The following FAM237A variants were observed in gnomAD, a reference collection of about 807,000 sequenced individuals.
FAM237A encodes family with sequence similarity 237 member A.
FAM237A carries 14 observed loss-of-function variants against 12.5 expected under a neutral mutation model. The observed-to-expected ratio is 1.12, with a 90% CI of 0.74 to 1.75. The LOEUF (loss-of-function observed/expected upper bound fraction) is 1.75. FAM237A is among the 40% of genes most tolerant of loss of function. The pLI is 0.00. For missense variants in FAM237A, 240 were observed against 211.7 expected, an observed-to-expected ratio of 1.13 and a Z score of -0.83; for synonymous variants, 85 against 77.5, an observed-to-expected ratio of 1.10 and a Z score of -0.51.
At chr2:206,643,931 C>G (rs1699284526) in intron 1 of FAM237A, among the ~76,000 whole-genome samples, 1 of 152,194 alleles carries the variant, frequency 6.6e-6, no homozygotes, top group South Asian at 2.1e-4. Flanking sequence ...CTACATTCTT[C>G]TGTACCAGAG....
intron 2 of FAM237A, among the ~76,000 whole-genome samples, chr2:206,646,330 G>A (rs1699317646): frequency 6.6e-6 from 1 of 151,522 alleles, no homozygotes; most frequent in African/African-American, 2.4e-5. Flanking sequence ...ATATTTAGCT[G>A]TCTTACTCAA....
rs1699328265 is a variant in FAM237A at position 206,647,261 on chromosome 2, C to G, written c.413-1400C>G. Reference sequence around the variant, plus strand: ...CACACAAAGTCTCATCTTTTCTGTTCCAATGTACTGTGATTCTATAAAAAA... The same window carrying G: ...CACACAAAGTCTCATCTTTTCTGTTGCAATGTACTGTGATTCTATAAAAAA... On this transcript the variant is annotated intron_variant, in intron 2 of 2. Transcript: ENST00000441223. 2.0e-5 allele frequency among the ~76,000 whole-genome samples: 3 copies of G among 152,006 alleles called. No homozygotes were observed. In the South Asian group the frequency reaches 6.3e-4, roughly 32 times the overall value.
Position 206,644,324 on chromosome 2 carries a change from C to T in FAM237A, c.88C>T (p.Pro30Ser). 6.2e-7 allele frequency: 1 copy of T among 1,613,492 alleles called. No individual in the cohort carries two copies. Residue 30 changes from proline (P) to serine (S), a missense_variant, in exon 2 of 3, where the codon CCT (proline) becomes TCT (serine). Transcript: ENST00000441223. ...CATTGTGGGAATGTGCTGTGTATCTCCTTTCTTCTGCCATAGCCAGACAGA... is the reference window on the plus strand; with the variant it reads ...CATTGTGGGAATGTGCTGTGTATCTTCTTTCTTCTGCCATAGCCAGACAGA... ...LLIVGMCCVS[P>S]FFCHSQTDLL... is the part of the protein sequence containing the mutation.
intron 2 of FAM237A, among the ~76,000 whole-genome samples, 163 bp downstream of exon 2, chr2:206,644,811 C>T (rs908738190): frequency 1.3e-5 from 2 of 152,204 alleles, no homozygotes; most frequent in Non-Finnish European, 2.9e-5. Context: ...ATAGATAGTA[C>T]TTCTTTTTGC....
At chr2:206,646,922 G>A (rs1699323982) in intron 2 of FAM237A, among the ~76,000 whole-genome samples, 1 of 152,102 alleles carries the variant, frequency 6.6e-6, no homozygotes, top group East Asian at 1.9e-4. Context: ...AGTTCTCAAG[G>A]AAATCACATC....
intron 2 of FAM237A, among the ~76,000 whole-genome samples, chr2:206,646,652 C>G (rs1574580909): frequency 1.3e-5 from 2 of 152,144 alleles, no homozygotes; most frequent in Non-Finnish European, 2.9e-5. Flanking sequence ...GTTTGCAGAC[C>G]AAGAAACAAG....
chr2:206,645,001 T>C (rs1699301236), intron 2 of FAM237A, among the ~76,000 whole-genome samples: 1 of 152,222 alleles, frequency 6.6e-6, no homozygotes, highest in Non-Finnish European at 1.5e-5. Context: ...ACACTGGCAG[T>C]CATAACCTGA....
chr2:206,646,766 A>G (rs1699322548), intron 2 of FAM237A, among the ~76,000 whole-genome samples: 1 of 152,222 alleles, frequency 6.6e-6, no homozygotes, highest in South Asian at 2.1e-4. Context: ...ATTTCATCTC[A>G]AGAGGCTTGA....
intron 1 of FAM237A, among the ~76,000 whole-genome samples, chr2:206,643,659 G>A (rs1019493978): frequency 6.6e-6 from 1 of 152,084 alleles, no homozygotes; most frequent in African/African-American, 2.4e-5. Flanking sequence ...TTGAATATAT[G>A]TCTCTTTGTT....
intron 2 of FAM237A, among the ~76,000 whole-genome samples, chr2:206,646,451 T>C (rs577957932): frequency 2.6e-5 from 4 of 152,294 alleles, no homozygotes; most frequent in African/African-American, 7.2e-5. Flanking sequence ...AAAAGTTATA[T>C]ATATACTTAT....
chr2:206,644,163 C>A, intron 1 of FAM237A, 64 bp from the exon 2 acceptor site: 1 of 1,395,374 alleles, frequency 7.2e-7, no homozygotes, highest in Non-Finnish European at 9.5e-7. Context: ...TAAGGGCATA[C>A]TTATTTTCTT....
At chr2:206,647,516 G>A (rs529093115) in intron 2 of FAM237A, among the ~76,000 whole-genome samples, 1 of 152,202 alleles carries the variant, frequency 6.6e-6, no homozygotes, top group African/African-American at 2.4e-5. Flanking sequence ...ATAGCTGAAG[G>A]TTGAAGTATC....
chr2:206,647,736 A>G (rs933163720), intron 2 of FAM237A, among the ~76,000 whole-genome samples: 1 of 151,932 alleles, frequency 6.6e-6, no homozygotes, highest in Admixed American at 6.6e-5. Context: ...ATTGAGAGTA[A>G]CTCATGGGTT....
In FAM237A at chr2:206,645,801, C is replaced by T. The variant is rs115031638; in HGVS notation, c.412+1153C>T. Reference sequence around the variant, plus strand: ...TTGGTAAGTGTTATTGTAACTCAAACCAATTTCATTTTTAGAGGAAATATT... The same window carrying T: ...TTGGTAAGTGTTATTGTAACTCAAATCAATTTCATTTTTAGAGGAAATATT... On this transcript the variant is annotated intron_variant, in intron 2 of 2. Transcript: ENST00000441223. Among the ~76,000 whole-genome samples the T allele has an allele frequency of 5.0e-3, 754 of 152,254 alleles. 3 individuals carry two copies. Among genetic ancestry groups the T allele is most frequent in the African/African-American group, 0.017 (721 of 41,554 alleles).
In FAM237A at chr2:206,644,645, C is replaced by A; in HGVS notation, c.409C>A (p.Gln137Lys). 6.4e-7 allele frequency: 1 copy of A among 1,559,892 alleles called. No individual in the cohort carries two copies. The highest frequency in any genetic ancestry group is 1.3e-5 in the South Asian group (1 of 79,934). ...AAQPQHTRSK[Q>K]GTYSQLLRTS... ...GCAGCCACAGCACACAAGGAGTAAA[C>A]AAGGTGGTCAACCCCAGCTCCCATG... is the stretch of plus-strand genomic sequence containing the variant. Residue 137 changes from glutamine (Q) to lysine (K), a missense_variant, in exon 2 of 3, where the codon CAA becomes AAA. Transcript: ENST00000441223.
At chr2:206,645,385 T>A (rs1699305138) in intron 2 of FAM237A, among the ~76,000 whole-genome samples, 1 of 152,214 alleles carries the variant, frequency 6.6e-6, no homozygotes, top group Non-Finnish European at 1.5e-5. Context: ...TGAGTAAGCC[T>A]CTGTGAGTAA....
At chr2:206,643,852 G>A (rs899800807) in intron 1 of FAM237A, among the ~76,000 whole-genome samples, 5 of 152,264 alleles carry the variant, frequency 3.3e-5, no homozygotes, top group East Asian at 1.9e-4. Context: ...GCCAGGTTTC[G>A]CTAAGATATT....
At chr2:206,643,698 A>T (rs1439540709) in intron 1 of FAM237A, among the ~76,000 whole-genome samples, 9 of 152,226 alleles carry the variant, frequency 5.9e-5, no homozygotes, top group Admixed American at 5.2e-4. Flanking sequence ...TACTTTTAGC[A>T]CATTGTCTTT....
At chr2:206,647,676 G>T (rs1699334910) in intron 2 of FAM237A, among the ~76,000 whole-genome samples, 1 of 118,746 alleles carries the variant, frequency 8.4e-6, no homozygotes, top group Non-Finnish European at 1.9e-5. Context: ...CAGAGAGAGT[G>T]TGTGTTAGGG....
Sources: allele counts gnomAD v4.1 joint callset (sites outside exome capture counted in the v4.1 genomes callset), GRCh38; gene constraint gnomAD v4.1.1; transcripts MANE v1.5; gene names NCBI Gene and HGNC (gene_info 2026-07-23, HGNC 2026-07-21).